Variants in UNC13C observed in about 807,000 individuals in gnomAD.
UNC13C encodes protein unc-13 homolog C.
UNC13C carries 174 observed loss-of-function variants against 245.4 expected under a neutral mutation model. The observed-to-expected ratio is 0.71, with a 90% confidence interval of 0.63 to 0.80. The LOEUF is 0.80. UNC13C is among the 30% of genes least tolerant of loss of function. UNC13C has a pLI of 0.00. For synonymous variants in UNC13C, 992 were observed against 895.1 expected (o/e 1.11, Z -1.93); for missense variants, 2,829 against 2,602.9 (o/e 1.09, Z -1.89).
chr15:54,270,441 C>G (rs1567149192), intron 10 of UNC13C, among the ~76,000 whole-genome samples: 1 of 152,014 alleles, frequency 6.6e-6, no homozygotes, highest in African/African-American at 2.4e-5. Flanking sequence ...TAATACATAC[C>G]TCACAGAATT....
At chr15:54,491,926 A>G (rs1459959556) in intron 19 of UNC13C, among the ~76,000 whole-genome samples, 1 of 151,276 alleles carries the variant, frequency 6.6e-6, no homozygotes, top group Non-Finnish European at 1.5e-5. Flanking sequence ...CGGGAGGCGG[A>G]GCTTGTAGTA....
intron 4 of UNC13C, among the ~76,000 whole-genome samples, chr15:54,231,686 G>A (rs1028136290): frequency 1.3e-5 from 2 of 152,026 alleles, no homozygotes; most frequent in Non-Finnish European, 2.9e-5. Flanking sequence ...TATCCTTAGT[G>A]AGTTTTCTGT....
intron 4 of UNC13C, among the ~76,000 whole-genome samples, chr15:54,156,823 T>C (rs1050251995): frequency 9.7e-6 from 1 of 102,906 alleles, no homozygotes; most frequent in Non-Finnish European, 2.0e-5. Flanking sequence ...AGCAGTGAAA[T>C]TGATGGGCAA....
chr15:53,838,989 T>G, the UNC13C span, among the ~76,000 whole-genome samples: 1 of 152,122 alleles, frequency 6.6e-6, no homozygotes, highest in East Asian at 1.9e-4. Context: ...AATTTACTGG[T>G]GTAGTTATTC....
rs573779948 is a variant in UNC13C, at chr15:54,352,646, A to AT, written c.4713+14158dup. ...TATATATGTATTTTTGCTATCACTCATAAGTGGTGTCTATATATAATCTCT... is the reference window on the plus strand; with the variant it reads ...TATATATGTATTTTTGCTATCACTCATTAAGTGGTGTCTATATATAATCTCT... On this transcript the variant is annotated intron_variant, in intron 17 of 32. Transcript: ENST00000260323. 1.2e-3 allele frequency among the ~76,000 whole-genome samples: 180 copies of AT among 152,168 alleles called. 1 individual carries two copies. Among genetic ancestry groups the AT allele is most frequent in the South Asian group, 5.2e-3 (25 of 4,830 alleles).
At chr15:53,933,231 A>C in the UNC13C span, among the ~76,000 whole-genome samples, 2 of 152,106 alleles carry the variant, frequency 1.3e-5, no homozygotes, top group African/African-American at 4.8e-5. Flanking sequence ...CCTACCATGA[A>C]AACTTTTTAA....
At chr15:54,309,324 A>T (rs1190230103) in intron 13 of UNC13C, among the ~76,000 whole-genome samples, 1 of 151,778 alleles carries the variant, frequency 6.6e-6, no homozygotes, top group Non-Finnish European at 1.5e-5. Flanking sequence ...ATCTATTCAG[A>T]TCCTTTGCCC....
At chr15:54,088,412 A>T (rs1031457784) in intron 2 of UNC13C, among the ~76,000 whole-genome samples, 2 of 152,076 alleles carry the variant, frequency 1.3e-5, no homozygotes, top group South Asian at 2.1e-4. Context: ...AAGGGAGAGA[A>T]ATGTTTTTAA....
upstream of UNC13C, among the ~76,000 whole-genome samples, chr15:53,973,717 A>G (rs1215649610): frequency 6.6e-6 from 1 of 152,216 alleles, no homozygotes; most frequent in Admixed American, 6.5e-5. Flanking sequence ...GTGCTGACAC[A>G]TTTTTAATTT....
chr15:54,113,718 C>A (rs555869031), intron 2 of UNC13C, among the ~76,000 whole-genome samples: 3 of 151,924 alleles, frequency 2.0e-5, no homozygotes, highest in African/African-American at 7.3e-5. Flanking sequence ...CCCAGTTACT[C>A]GGGAGGCTGA....
At chr15:54,266,889 A>G (rs140155121) in intron 10 of UNC13C, among the ~76,000 whole-genome samples, 21 of 152,154 alleles carry the variant, frequency 1.4e-4, no homozygotes, top group African/African-American at 4.6e-4. Flanking sequence ...AGAATTTCCT[A>G]TAACTAGAAC....
intron 25 of UNC13C, among the ~76,000 whole-genome samples, chr15:54,527,317 G>A (rs1895513710): frequency 2.0e-5 from 3 of 152,112 alleles, no homozygotes; most frequent in Admixed American, 2.0e-4. Context: ...AAATTAACAT[G>A]GGGTTAGCAG....
intron 2 of UNC13C, among the ~76,000 whole-genome samples, chr15:54,122,989 G>A (rs532748740): frequency 6.6e-6 from 1 of 151,990 alleles, no homozygotes; most frequent in South Asian, 2.1e-4. Context: ...TGGTTATATG[G>A]CAAACGTATG....
intron 25 of UNC13C, among the ~76,000 whole-genome samples, chr15:54,526,321 G>T (rs1566888548): frequency 6.6e-6 from 1 of 152,060 alleles, no homozygotes. Flanking sequence ...AAAATAGCTA[G>T]GAAAGAAAAT....
At chr15:54,132,453 C>G (rs774531203) in intron 2 of UNC13C, among the ~76,000 whole-genome samples, 1 of 152,140 alleles carries the variant, frequency 6.6e-6, no homozygotes, top group Non-Finnish European at 1.5e-5. Flanking sequence ...GCATTAATCT[C>G]CCAGCACTCA....
chr15:54,417,094 G>T, intron 19 of UNC13C: 1 of 392,642 alleles, frequency 2.5e-6, no homozygotes, highest in South Asian at 1.8e-5. Flanking sequence ...TTGTTTATTT[G>T]TTTGTTGATT....
At chr15:54,617,106 AATG>A (rs1244835064) in intron 30 of UNC13C, among the ~76,000 whole-genome samples, 1 of 152,110 alleles carries the variant, frequency 6.6e-6, no homozygotes, top group African/African-American at 2.4e-5. Flanking sequence ...ATGTTCGCAC[AATG>A]AAGAAATCAC....
At chr15:54,184,089 A>G (rs908326925) in intron 4 of UNC13C, among the ~76,000 whole-genome samples, 1 of 152,088 alleles carries the variant, frequency 6.6e-6, no homozygotes, top group Admixed American at 6.6e-5. Context: ...TTCCCTTCAC[A>G]TGAATTGTTA....
At chr15:54,224,752 T>C (rs1382777130) in intron 4 of UNC13C, among the ~76,000 whole-genome samples, 1 of 152,150 alleles carries the variant, frequency 6.6e-6, no homozygotes, top group Non-Finnish European at 1.5e-5. Flanking sequence ...TTTTCCAAAA[T>C]TTAACAATGA....
Sources: allele counts gnomAD v4.1 joint callset (sites outside exome capture counted in the v4.1 genomes callset), GRCh38; gene constraint gnomAD v4.1.1; transcripts MANE v1.5; gene names NCBI Gene and HGNC (gene_info 2026-07-23, HGNC 2026-07-21).